The following MCC variants were observed in gnomAD, a reference collection of about 807,000 sequenced individuals.
MCC encodes MCC regulator of Wnt signaling pathway.
A neutral mutation model predicts 116.2 loss-of-function variants in MCC; 90 were observed. The ratio of observed to expected loss-of-function variants is 0.77; its 90% CI spans 0.65 to 0.92. The LOEUF is 0.92. Among genes scored for constraint, MCC ranks in the 40% least tolerant of loss-of-function variants. MCC has a pLI of 0.00. For synonymous variants in MCC, 578 were observed against 510.5 expected (o/e 1.13, Z -1.78); for missense variants, 1,516 against 1,312.2 (o/e 1.16, Z -2.40).
At chr5:113,252,225 C>T (rs1449919194) in intron 3 of MCC, among the ~76,000 whole-genome samples, 1 of 151,844 alleles carries the variant, frequency 6.6e-6, no homozygotes, top group Admixed American at 6.6e-5. Flanking sequence ...TTGCCTAGAC[C>T]ACAAGGGTCC....
intron 2 of MCC, among the ~76,000 whole-genome samples, chr5:113,351,098 T>C (rs1768257597): frequency 6.6e-6 from 1 of 152,038 alleles, no homozygotes; most frequent in Non-Finnish European, 1.5e-5. Context: ...GAATGTAAAT[T>C]TGTACAACCA....
chr5:113,236,816 CG>C (rs1764151464), intron 3 of MCC, among the ~76,000 whole-genome samples: 1 of 152,064 alleles, frequency 6.6e-6, no homozygotes, highest in African/African-American at 2.4e-5. Flanking sequence ...TTCAGGGGGA[CG>C]GGGGACAGGC....
intron 2 of MCC, 92 bp from the exon 3 acceptor site, chr5:113,340,822 T>C: frequency 1.0e-6 from 1 of 972,150 alleles, no homozygotes. Context: ...CTCCTAAGCC[T>C]TCCATGTGCC....
At chr5:113,254,952 G>C (rs190195945) in intron 3 of MCC, among the ~76,000 whole-genome samples, 2 of 152,280 alleles carry the variant, frequency 1.3e-5, no homozygotes, top group Admixed American at 1.3e-4. Flanking sequence ...ATCACCTGAG[G>C]TCAGGAGTTT....
intron 6 of MCC, among the ~76,000 whole-genome samples, chr5:113,117,683 C>A (rs1224570761): frequency 6.6e-6 from 1 of 152,184 alleles, no homozygotes; most frequent in East Asian, 1.9e-4. Context: ...ACTGCTGTTG[C>A]GTTAACAGAG....
At chr5:113,411,379 G>A (rs1769986331) in intron 1 of MCC, among the ~76,000 whole-genome samples, 1 of 152,126 alleles carries the variant, frequency 6.6e-6, no homozygotes, top group African/African-American at 2.4e-5. Flanking sequence ...ATTTTTTCAT[G>A]TGTCTGTTGG....
chr5:113,027,667 G>A (rs954997147), intron 18 of MCC, among the ~76,000 whole-genome samples, 185 bp from the exon 19 acceptor site: 1 of 151,918 alleles, frequency 6.6e-6, no homozygotes, highest in Admixed American at 6.6e-5. Flanking sequence ...AACACTCAAC[G>A]GCCAGTCACC....
chr5:113,110,598 G>A lies in MCC; in HGVS notation c.1028-6243C>T, dbSNP rs115324753. ...AAATTAAAGTTGTAGACCATTTAAAGCACAAGGTAAAGGGAACTCTGGGGA... is the reference window on the plus strand; with the variant it reads ...AAATTAAAGTTGTAGACCATTTAAAACACAAGGTAAAGGGAACTCTGGGGA... On this transcript the variant is annotated intron_variant, in intron 6 of 18. Coordinates refer to ENST00000408903, the MANE Select transcript of MCC (RefSeq NM_001085377.2). 4.4e-3 allele frequency among the ~76,000 whole-genome samples: 663 copies of A among 152,292 alleles called. 5 individuals carry two copies. The highest frequency in any genetic ancestry group is 0.015 in the African/African-American group (626 of 41,548).
intron 3 of MCC, chr5:113,294,907 C>G (rs1766662847): frequency 2.0e-6 from 2 of 985,462 alleles, no homozygotes; most frequent in South Asian, 4.7e-5. Context: ...CACTTCACGC[C>G]GAAGTTTCCC....
At chr5:113,288,520 G>T (rs1325026735) in intron 3 of MCC, among the ~76,000 whole-genome samples, 1 of 152,144 alleles carries the variant, frequency 6.6e-6, no homozygotes, top group African/African-American at 2.4e-5. Context: ...TAGGGCTCTG[G>T]AAAGTCAATG....
chr5:113,280,411 A>C (rs1200139824), intron 3 of MCC, among the ~76,000 whole-genome samples: 7 of 152,182 alleles, frequency 4.6e-5, no homozygotes, highest in Non-Finnish European at 1.0e-4. Flanking sequence ...GCAACAATGT[A>C]GGGTATGTTC....
At chr5:113,070,945 T>C in intron 12 of MCC, 149 bp downstream of exon 12, 2 of 666,526 alleles carry the variant, frequency 3.0e-6, no homozygotes, top group Non-Finnish European at 4.9e-6. Flanking sequence ...TCATTACTCT[T>C]AGCTATTTGC....
At chr5:113,204,075 G>T (rs773184841) in intron 3 of MCC, among the ~76,000 whole-genome samples, 1 of 152,134 alleles carries the variant, frequency 6.6e-6, no homozygotes, top group African/African-American at 2.4e-5. Flanking sequence ...GGGCAGCTGA[G>T]ATGAATAAGA....
intron 1 of MCC, among the ~76,000 whole-genome samples, chr5:113,390,554 C>A (rs145515287): frequency 1.4e-3 from 209 of 152,284 alleles, no homozygotes; most frequent in African/African-American, 4.8e-3. Context: ...TTCTTTTTCT[C>A]TTGGCTATTC....
intron 1 of MCC, among the ~76,000 whole-genome samples, chr5:113,420,047 T>G (rs1046830301): frequency 1.3e-4 from 19 of 147,908 alleles, no homozygotes; most frequent in African/African-American, 2.5e-4. Flanking sequence ...AAAATAAAAA[T>G]AAAAAAGAAA....
chr5:113,267,308 C>A (rs1206419285), intron 3 of MCC, among the ~76,000 whole-genome samples: 1 of 152,154 alleles, frequency 6.6e-6, no homozygotes, highest in African/African-American at 2.4e-5. Flanking sequence ...CACTCCTCTG[C>A]TACTATTAAC....
chr5:113,447,603 T>C (rs1344545772), intron 1 of MCC, among the ~76,000 whole-genome samples: 1 of 152,214 alleles, frequency 6.6e-6, no homozygotes, highest in Admixed American at 6.5e-5. Flanking sequence ...TGATTACATT[T>C]TGATGTTCTC....
At chr5:113,426,430 T>C (rs904055303) in intron 1 of MCC, among the ~76,000 whole-genome samples, 1 of 152,358 alleles carries the variant, frequency 6.6e-6, no homozygotes, top group African/African-American at 2.4e-5. Flanking sequence ...TAGTTAGTTA[T>C]GCTGTATCCA....
At chr5:113,245,056 C>T (rs530001900) in intron 3 of MCC, among the ~76,000 whole-genome samples, 7 of 152,170 alleles carry the variant, frequency 4.6e-5, no homozygotes, top group Non-Finnish European at 1.0e-4. Flanking sequence ...CTTTGGGAGG[C>T]TGAGGCAGGC....
Sources: allele counts gnomAD v4.1 joint callset (sites outside exome capture counted in the v4.1 genomes callset), GRCh38; gene constraint gnomAD v4.1.1; transcripts MANE v1.5; gene names NCBI Gene and HGNC (gene_info 2026-07-23, HGNC 2026-07-21).